Variants in ADAMTS3 observed in about 807,000 individuals in gnomAD.
ADAMTS3 encodes the protein ADAM metallopeptidase with thrombospondin type 1 motif 3.
Under a neutral mutation model 129.0 loss-of-function variants are expected in ADAMTS3, and 73 were observed. The ratio of observed to expected loss-of-function variants is 0.57; its 90% CI spans 0.47 to 0.69. ADAMTS3 has a LOEUF of 0.69. Ranked by LOEUF, ADAMTS3 falls within the 30% of genes least tolerant of loss-of-function variation. The pLI, the probability that ADAMTS3 is intolerant of heterozygous loss-of-function variation, is 0.00. For missense variants in ADAMTS3, 1,457 were observed against 1,514.5 expected (o/e 0.96, Z 0.63); for synonymous variants, 477 against 510.8 (o/e 0.93, Z 0.89).
At position 72,543,169 on chromosome 4, in the gene ADAMTS3, G is replaced by C. The variant is rs576440249; in HGVS notation, c.504+5309C>G. On this transcript the variant is annotated intron_variant, in intron 3 of 21. Transcript: ENST00000286657. ...ACTTGTACTAACTTATCACATGTCT[G>C]AACAGGTTCTAGTTTAAGGCACTAA... Among the ~76,000 whole-genome samples the C allele has an allele frequency of 2.0e-5, 3 of 152,214 alleles. No homozygotes were observed. The South Asian group carries it at 6.2e-4, about 32-fold the overall frequency.
chr4:72,344,576 G>T (rs771743092), intron 4 of ADAMTS3, among the ~76,000 whole-genome samples: 1 of 152,038 alleles, frequency 6.6e-6, no homozygotes, highest in Non-Finnish European at 1.5e-5. Flanking sequence ...GTGACTAAGG[G>T]TTACATGTGA....
At chr4:72,419,481 C>T (rs921050622) in intron 3 of ADAMTS3, among the ~76,000 whole-genome samples, 1 of 152,116 alleles carries the variant, frequency 6.6e-6, no homozygotes, top group Admixed American at 6.5e-5. Flanking sequence ...AGAGGTGAGG[C>T]CGTTCAGGGT....
chr4:72,349,283 T>C (rs1409109136), intron 4 of ADAMTS3, among the ~76,000 whole-genome samples: 1 of 152,194 alleles, frequency 6.6e-6, no homozygotes, highest in South Asian at 2.1e-4. Flanking sequence ...TTATTAAAGA[T>C]GGTTATTATT....
At chr4:72,479,610 T>G (rs892686298) in intron 3 of ADAMTS3, among the ~76,000 whole-genome samples, 7 of 152,000 alleles carry the variant, frequency 4.6e-5, no homozygotes, top group South Asian at 2.1e-4. Context: ...AACCTAGGCA[T>G]TACCATTCAG....
intron 3 of ADAMTS3, among the ~76,000 whole-genome samples, chr4:72,486,790 C>T (rs1719601867): frequency 6.6e-6 from 1 of 152,120 alleles, no homozygotes. Context: ...AGCCAGAGTG[C>T]CAGCATGGAC....
intron 4 of ADAMTS3, among the ~76,000 whole-genome samples, chr4:72,383,584 A>ATATGTGT (rs1321520448): frequency 6.6e-6 from 1 of 152,164 alleles, no homozygotes. Context: ...CCCCTGAACT[A>ATATGTGT]TATGTGTTCG....
At position 72,311,160 on chromosome 4, in the gene ADAMTS3, T is replaced by A. The variant is rs1367316950; in HGVS notation, c.1943A>T (p.Tyr648Phe). The change falls in exon 14 of 22, where the codon TAC becomes TTC. Residue 648 changes from tyrosine (Y) to phenylalanine (F), a missense_variant. Tyr to Phe is a conservative substitution (Grantham distance 22). Coordinates refer to ENST00000286657, the MANE Select transcript of ADAMTS3 (RefSeq NM_014243.3). Reference protein sequence around the residue: ...HPDPKKRCHLYCQSKETGDVA... With the variant: ...HPDPKKRCHLFCQSKETGDVA... ...ATCTCCAGTCTCCTTGGACTGACAG[T>A]AAAGGTGGCATCTTTTCTTGGCTGC... The A allele has an allele frequency of 3.7e-6, 6 of 1,611,306 alleles. No individual in the cohort carries two copies. Among genetic ancestry groups the A allele is most frequent in the Non-Finnish European group, 5.1e-6 (6 of 1,178,406 alleles).
chr4:72,519,484 A>G (rs1203762326), intron 3 of ADAMTS3, among the ~76,000 whole-genome samples: 1 of 152,074 alleles, frequency 6.6e-6, no homozygotes, highest in South Asian at 2.1e-4. Context: ...CAAATCAGAC[A>G]TAGATTTGGT....
Position 72,329,674 on chromosome 4 carries a change from T to C in ADAMTS3, c.862-6577A>G, listed in dbSNP as rs562925930. Among the ~76,000 whole-genome samples, 27 of 152,038 alleles carry C rather than the reference T, an allele frequency of 1.8e-4. 1 individual carries two copies. The highest frequency in any genetic ancestry group is 5.8e-4 in the African/African-American group (24 of 41,490). Reference sequence around the variant, plus strand: ...CTAGACAGTCACTCCAAAAATCCCCTCCATGCTGCTGGTTTAATCGCTTCC... The same window carrying C: ...CTAGACAGTCACTCCAAAAATCCCCCCCATGCTGCTGGTTTAATCGCTTCC... On this transcript the variant is annotated intron_variant, in intron 5 of 21. Transcript: ENST00000286657.
chr4:72,558,269 G>A (rs1255254190), intron 2 of ADAMTS3, among the ~76,000 whole-genome samples: 2 of 151,764 alleles, frequency 1.3e-5, no homozygotes, highest in East Asian at 3.9e-4. Context: ...CTAAAATCAA[G>A]TCATCAGCAG....
intron 3 of ADAMTS3, among the ~76,000 whole-genome samples, chr4:72,533,673 A>ATATGTATATATACATATATCTG (rs1164175826): frequency 2.0e-5 from 3 of 151,372 alleles, no homozygotes; most frequent in Non-Finnish European, 2.9e-5. Flanking sequence ...GTATATGCAC[A>ATATGTATATATACATATATCTG]TATATGCACA....
intron 4 of ADAMTS3, among the ~76,000 whole-genome samples, chr4:72,411,220 G>A (rs941922246): frequency 2.6e-5 from 4 of 152,164 alleles, no homozygotes; most frequent in Middle Eastern, 3.4e-3. Context: ...TTGTTGAATC[G>A]TACCATATGA....
At chr4:72,537,330 T>C (rs2109772536) in intron 3 of ADAMTS3, among the ~76,000 whole-genome samples, 1 of 152,312 alleles carries the variant, frequency 6.6e-6, no homozygotes, top group Non-Finnish European at 1.5e-5. Flanking sequence ...GCCTTTTTTG[T>C]TACTCCCTCC....
At chr4:72,498,478 G>A (rs930776420) in intron 3 of ADAMTS3, among the ~76,000 whole-genome samples, 1 of 151,966 alleles carries the variant, frequency 6.6e-6, no homozygotes, top group African/African-American at 2.4e-5. Context: ...ACATGAATGA[G>A]AATACAACTT....
intron 2 of ADAMTS3, among the ~76,000 whole-genome samples, chr4:72,561,481 T>C (rs1419691027): frequency 6.6e-6 from 1 of 151,918 alleles, no homozygotes; most frequent in Non-Finnish European, 1.5e-5. Flanking sequence ...CTCCAGCTTC[T>C]GTTACAGAGC....
chr4:72,527,411 T>G (rs1031804407), intron 3 of ADAMTS3, among the ~76,000 whole-genome samples: 1 of 152,188 alleles, frequency 6.6e-6, no homozygotes, highest in Non-Finnish European at 1.5e-5. Flanking sequence ...ACACCTGTAT[T>G]TCCCACTCTA....
chr4:72,312,532 C>G, intron 12 of ADAMTS3, 66 bp from the exon 13 acceptor site: 1 of 1,540,826 alleles, frequency 6.5e-7, no homozygotes, highest in Non-Finnish European at 8.8e-7. Context: ...CTTGCAGACA[C>G]AGTGCTTGAG....
intron 19 of ADAMTS3, among the ~76,000 whole-genome samples, chr4:72,293,481 G>C (rs569430997): frequency 6.6e-6 from 1 of 152,224 alleles, no homozygotes; most frequent in East Asian, 1.9e-4. Flanking sequence ...TGGTGAGATC[G>C]CTTTAGAAAC....
intron 3 of ADAMTS3, among the ~76,000 whole-genome samples, chr4:72,497,878 T>C (rs1183716315): frequency 6.6e-6 from 1 of 152,100 alleles, no homozygotes; most frequent in Non-Finnish European, 1.5e-5. Flanking sequence ...TCGCTAAAGA[T>C]AAGTCAGTTA....
Sources: allele counts gnomAD v4.1 joint callset (sites outside exome capture counted in the v4.1 genomes callset), GRCh38; gene constraint gnomAD v4.1.1; transcripts MANE v1.5; gene names NCBI Gene and HGNC (gene_info 2026-07-23, HGNC 2026-07-21).